Variants in USP31 observed in about 807,000 individuals in gnomAD.
USP31 encodes the protein ubiquitin carboxyl-terminal hydrolase 31.
USP31 carries 44 observed loss-of-function variants against 119.4 expected under a neutral mutation model. The observed-to-expected ratio is 0.37, with a 90% confidence interval of 0.29 to 0.47. The LOEUF (loss-of-function observed/expected upper bound fraction) is 0.47. Among genes scored for constraint, USP31 ranks in the 20% least tolerant of loss-of-function variants. USP31 has a pLI of 0.99. For missense variants in USP31, 1,643 were observed against 1,730.2 expected, an observed-to-expected ratio of 0.95 and a Z score of 0.89; for synonymous variants, 749 against 705.6, an observed-to-expected ratio of 1.06 and a Z score of -0.97.
At chr16:23,133,428 T>A (rs575762718) in intron 1 of USP31, among the ~76,000 whole-genome samples, 1 of 152,200 alleles carries the variant, frequency 6.6e-6, no homozygotes, top group Non-Finnish European at 1.5e-5. Flanking sequence ...GAATAAGACA[T>A]AATCACTGCA....
chr16:23,103,090 A>C (rs980669504), intron 5 of USP31, among the ~76,000 whole-genome samples: 4 of 152,314 alleles, frequency 2.6e-5, no homozygotes, highest in African/African-American at 7.2e-5. Flanking sequence ...CTCTAACTCC[A>C]GAGTTTCTCT....
Position 23,119,380 on chromosome 16 carries a change from G to T in USP31, c.634-11197C>A, listed in dbSNP as rs1271245548. Reference sequence around the variant, plus strand: ...CCCACGGTGCTGGGATTATAGGCATGAGCCACCGTGCCCGGCCAATTACCA... The same window carrying T: ...CCCACGGTGCTGGGATTATAGGCATTAGCCACCGTGCCCGGCCAATTACCA... On this transcript the variant is annotated intron_variant, in intron 1 of 15. Transcript: ENST00000219689. Among the ~76,000 whole-genome samples the T allele has an allele frequency of 9.8e-5, 15 of 152,306 alleles. No individual in the cohort carries two copies. The South Asian group carries it at 2.7e-3, about 27-fold the overall frequency.
At chr16:23,148,067 T>C (rs1328734470) in intron 1 of USP31, among the ~76,000 whole-genome samples, 1 of 152,136 alleles carries the variant, frequency 6.6e-6, no homozygotes, top group African/African-American at 2.4e-5. Context: ...TAGCAGCAAA[T>C]ACACATGATA....
At chr16:23,073,573 G>C (rs1374164244) in intron 14 of USP31, 149 bp downstream of exon 14, 2 of 1,050,056 alleles carry the variant, frequency 1.9e-6, no homozygotes, top group East Asian at 5.3e-5. Flanking sequence ...CTTGACTGCA[G>C]TCATTTTAGT....
chr16:23,096,007 A>C (rs1231003056), intron 6 of USP31, among the ~76,000 whole-genome samples: 1 of 152,256 alleles, frequency 6.6e-6, no homozygotes, highest in Non-Finnish European at 1.5e-5. Context: ...TATTAACCTT[A>C]AATGTAAATG....
chr16:23,135,984 T>A (rs1460178446), intron 1 of USP31, among the ~76,000 whole-genome samples: 1 of 152,112 alleles, frequency 6.6e-6, no homozygotes, highest in Non-Finnish European at 1.5e-5. Context: ...ATAAAGATAA[T>A]GCCTAATAAA....
At position 23,066,458 on chromosome 16, in the gene USP31, A is replaced by G. The variant is rs751773681; in HGVS notation, c.*1588T>C. The G allele has an allele frequency of 1.8e-4, 28 of 152,448 alleles. No homozygotes were observed. Among genetic ancestry groups the G allele is most frequent in the Middle Eastern group, 3.2e-3 (1 of 316 alleles). The allele number at this position is 152,448 out of a possible 1,614,324, so 9.4% of individuals were successfully genotyped here. ...GCAGAATTCACAGCTATGCATGCAT[A>G]TGTGTTGTAGTTAATTCACACACAG... On this transcript the variant is annotated 3_prime_UTR_variant, in exon 16 of 16. Transcript: ENST00000219689.
intron 9 of USP31, among the ~76,000 whole-genome samples, chr16:23,086,707 A>G (rs1901125168): frequency 1.3e-5 from 2 of 152,208 alleles, no homozygotes; most frequent in African/African-American, 4.8e-5. Context: ...TCAAACTGTG[A>G]AGAACTTCTT....
intron 9 of USP31, 46 bp downstream of exon 9, chr16:23,087,041 ATGAAT>A: frequency 2.9e-6 from 4 of 1,388,470 alleles, no homozygotes; most frequent in Non-Finnish European, 4.0e-6. Context: ...GAAATCACAC[ATGAAT>A]ATGTGTGAGA....
intron 1 of USP31, among the ~76,000 whole-genome samples, chr16:23,133,249 T>C (rs1903083447): frequency 6.6e-6 from 1 of 152,102 alleles, no homozygotes; most frequent in Non-Finnish European, 1.5e-5. Context: ...TCAAGTGAGG[T>C]CTGACCCAAG....
At chr16:23,145,711 C>A (rs1240544916) in intron 1 of USP31, among the ~76,000 whole-genome samples, 3 of 152,172 alleles carry the variant, frequency 2.0e-5, no homozygotes, top group African/African-American at 7.2e-5. Flanking sequence ...CAGAAATGGT[C>A]TGAATCCTTG....
rs1463850695 is a variant in USP31 at position 23,108,286 on chromosome 16, T to C, written c.634-103A>G. ...AAGGGATGCAAGATCTCAAGGGTGT[T>C]AGAGAATACTTCCCAGAAGGAGTGC... On this transcript the variant is annotated intron_variant, in intron 1 of 15. Transcript: ENST00000219689. 10 of 1,452,696 alleles carry C rather than the reference T, an allele frequency of 6.9e-6. No individual in the cohort carries two copies. In the East Asian group the frequency reaches 7.2e-5, roughly 11 times the overall value. 90.0% of individuals were successfully genotyped at this position (1,452,696 alleles called of 1,614,324 possible). A position where few individuals can be genotyped will look rare whatever the true frequency, so the allele number is the denominator to read the frequency against.
In USP31 at chr16:23,102,368, G is replaced by A. The variant is rs1209623385; in HGVS notation, c.1185C>T (p.Ala395=). The A allele has an allele frequency of 1.9e-6, 3 of 1,613,652 alleles. No homozygotes were observed. Among genetic ancestry groups the A allele is most frequent in the Non-Finnish European group, 2.5e-6 (3 of 1,179,838 alleles). ...ETVHESDCIF[A]FETPEIFRPE... Reference sequence around the variant, plus strand: ...GCCTAAATATTTCGGGAGTCTCAAAGGCAAAAATGCAGTCGCTTTCATGGA... The same window carrying A: ...GCCTAAATATTTCGGGAGTCTCAAAAGCAAAAATGCAGTCGCTTTCATGGA... The change falls in exon 6 of 16, where the codon GCC becomes GCT. Residue 395 remains alanine, a synonymous_variant. Transcript: ENST00000219689.
At chr16:23,104,576 G>A (rs1902015283) in intron 5 of USP31, among the ~76,000 whole-genome samples, 1 of 152,162 alleles carries the variant, frequency 6.6e-6, no homozygotes, top group South Asian at 2.1e-4. Context: ...AAAAATATGA[G>A]ATATTTGCCA....
Position 23,066,138 on chromosome 16 carries a change from G to C in USP31, c.*1908C>G, listed in dbSNP as rs1209849276. The C allele has an allele frequency of 6.6e-6, 1 of 152,234 alleles. No individual in the cohort carries two copies. Among genetic ancestry groups the C allele is most frequent in the Non-Finnish European group, 1.5e-5 (1 of 68,048 alleles). 9.4% of individuals were successfully genotyped at this position (152,234 alleles called of 1,614,324 possible). A position where few individuals can be genotyped will look rare whatever the true frequency, so the allele number is the denominator to read the frequency against. ...CTGCTTTGAGAACCCACCAAAATCT[G>C]AACAGTAAAACCAGGACAGCGAGTG... On this transcript the variant is annotated 3_prime_UTR_variant, in exon 16 of 16. Coordinates refer to ENST00000219689, the MANE Select transcript of USP31 (RefSeq NM_020718.4).
intron 1 of USP31, among the ~76,000 whole-genome samples, chr16:23,123,348 G>A (rs1413856045): frequency 6.6e-6 from 1 of 152,106 alleles, no homozygotes; most frequent in Non-Finnish European, 1.5e-5. Flanking sequence ...GACCAGCCTG[G>A]CCAACATGGT....
At chr16:23,129,201 AAATAAACTGCC>A (rs753133294) in intron 1 of USP31, among the ~76,000 whole-genome samples, 49 of 152,316 alleles carry the variant, frequency 3.2e-4, no homozygotes, top group Non-Finnish European at 5.9e-4. Context: ...CGCATTCAAC[AAATAAACTGCC>A]AGAGGAAAAA....
In USP31 at chr16:23,068,819, T is replaced by C. The variant is rs1489427328; in HGVS notation, c.3286A>G (p.Lys1096Glu). The stretch of plus-strand genomic sequence containing the variant: ...TGAGATTTCGGGGATGACTCCTTTT[T>C]GGGTTGGGCAGGGGCAGGGGATGAA... The part of the protein sequence containing the change: ...RHSSPAPAQP[K>E]KESSPKSQDS... Residue 1096 changes from lysine (K) to glutamate (E), a missense_variant, in exon 16 of 16, where the codon AAA becomes GAA. Physicochemically the swap from Lys to Glu is moderately conservative, Grantham distance 56 (BLOSUM62 1). Transcript: ENST00000219689. The C allele has an allele frequency of 5.8e-6, 9 of 1,555,520 alleles. No individual in the cohort carries two copies. The Admixed American group carries it at 1.2e-4, about 20-fold the overall frequency.
intron 1 of USP31, among the ~76,000 whole-genome samples, chr16:23,130,150 A>T (rs1902984573): frequency 6.6e-6 from 1 of 152,220 alleles, no homozygotes; most frequent in Non-Finnish European, 1.5e-5. Flanking sequence ...GGGGGAAGAT[A>T]AGATTTCATC....
Sources: allele counts gnomAD v4.1 joint callset (sites outside exome capture counted in the v4.1 genomes callset), GRCh38; gene constraint gnomAD v4.1.1; transcripts MANE v1.5; gene names NCBI Gene and HGNC (gene_info 2026-07-23, HGNC 2026-07-21).